KCNQ4: variants seen among roughly 807,000 people sequenced by gnomAD.
The protein encoded by KCNQ4 is potassium voltage-gated channel subfamily Q member 4, also known as potassium voltage-gated channel subfamily KQT member 4.
In KCNQ4, 31 loss-of-function variants were observed where a neutral mutation model predicts 72.6. The ratio of observed to expected loss-of-function variants is 0.43; its 90% CI spans 0.32 to 0.58. KCNQ4 has a LOEUF of 0.58. Among genes scored for constraint, KCNQ4 ranks in the 20% least tolerant of loss-of-function variants. KCNQ4 has a pLI of 0.08. For missense variants in KCNQ4, 869 were observed against 962.6 expected, an observed-to-expected ratio of 0.90 and a Z score of 1.29; for synonymous variants, 405 against 403.7, an observed-to-expected ratio of 1.00 and a Z score of -0.04.
intron 1 of KCNQ4, chr1:40,805,045 G>C (rs775796818): frequency 6.6e-6 from 1 of 152,112 alleles, no homozygotes; most frequent in Non-Finnish European, 1.5e-5. Flanking sequence ...GGTCAGAAAC[G>C]GAGCAGGTCA....
Position 40,784,459 on chromosome 1 carries a change from C to G in KCNQ4, c.314+52C>G, listed in dbSNP as rs754305731. On this transcript the variant is annotated intron_variant, in intron 1 of 13. Coordinates refer to ENST00000347132, the MANE Select transcript of KCNQ4 (RefSeq NM_004700.4). The surrounding 1 kb of genome is among the most constrained non-coding windows in gnomAD (Gnocchi z 4.1). ...GCGTTTCCCCGCGCAAGCCTGGCCTCCCGGGGCACGGCCGCCCCGCCCTGG... is the reference window on the plus strand; with the variant it reads ...GCGTTTCCCCGCGCAAGCCTGGCCTGCCGGGGCACGGCCGCCCCGCCCTGG... 7 of 1,567,330 alleles carry G rather than the reference C, an allele frequency of 4.5e-6. No homozygotes were observed. The highest frequency in any genetic ancestry group is 6.1e-6 in the Non-Finnish European group (7 of 1,149,956).
At chr1:40,818,464 G>A in intron 3 of KCNQ4, 41 bp from the exon 4 acceptor site, 2 of 1,597,242 alleles carry the variant, frequency 1.3e-6, no homozygotes, top group Middle Eastern at 1.8e-4. Context: ...GTCCGTGCGC[G>A]GGGTAGGCTG....
rs576349477 is a variant in KCNQ4 at position 40,788,633 on chromosome 1, C to T, written c.314+4226C>T. Among the ~76,000 whole-genome samples the T allele has an allele frequency of 1.3e-5, 2 of 152,310 alleles. No homozygotes were observed. The highest frequency in any genetic ancestry group is 3.9e-4 in the East Asian group (2 of 5,184). ...GCCCGGAGCGGGGGCTGACTGGGAG[C>T]TGTTGCGCTCAGCACCACAGCCTCA... On this transcript the variant is annotated intron_variant, in intron 1 of 13. Coordinates refer to ENST00000347132, the MANE Select transcript of KCNQ4 (RefSeq NM_004700.4). This position sits in a 1 kb window ranked among gnomAD's most constrained non-coding sequence, Gnocchi z 4.5.
chr1:40,824,330 T>C, intron 9 of KCNQ4, 72 bp downstream of exon 9: 1 of 1,506,216 alleles, frequency 6.6e-7, no homozygotes, highest in East Asian at 2.4e-5. Context: ...CTTCATCCTC[T>C]CTCAGACCTG....
At chr1:40,792,113 C>T (rs1374945797) in intron 1 of KCNQ4, among the ~76,000 whole-genome samples, 2 of 152,156 alleles carry the variant, frequency 1.3e-5, no homozygotes, top group African/African-American at 4.8e-5. Context: ...CAGGCTGCTC[C>T]TCCTTCTCTG....
intron 1 of KCNQ4, among the ~76,000 whole-genome samples, chr1:40,814,396 C>A (rs1376706711): frequency 2.6e-5 from 4 of 152,146 alleles, no homozygotes; most frequent in Non-Finnish European, 2.9e-5. Context: ...CCGAAACAAC[C>A]CATGTTTGTT....
intron 5 of KCNQ4, 117 bp downstream of exon 5, chr1:40,819,589 C>T: frequency 1.4e-6 from 2 of 1,399,844 alleles, no homozygotes; most frequent in South Asian, 2.5e-5. Flanking sequence ...CCTGCCCTCT[C>T]ACTAGAGCTG....
chr1:40,799,502 G>A (rs984086417), intron 1 of KCNQ4, among the ~76,000 whole-genome samples: 1 of 151,852 alleles, frequency 6.6e-6, no homozygotes, highest in Non-Finnish European at 1.5e-5. Flanking sequence ...GTCCCCCCAC[G>A]GTTGTTTATA....
intron 1 of KCNQ4, among the ~76,000 whole-genome samples, chr1:40,805,391 C>T (rs1312703294): frequency 6.6e-6 from 1 of 152,146 alleles, no homozygotes; most frequent in Non-Finnish European, 1.5e-5. Flanking sequence ...AGTAGATGGT[C>T]CGCTTTCCAC....
chr1:40,824,734 A>C (rs1363947574), intron 9 of KCNQ4, among the ~76,000 whole-genome samples: 1 of 151,944 alleles, frequency 6.6e-6, no homozygotes, highest in Non-Finnish European at 1.5e-5. Context: ...TTAGTACTGA[A>C]CTCGCCTCTT....
In KCNQ4 at chr1:40,833,124, G is replaced by A. The variant is rs776136734; in HGVS notation, c.1613+11G>A. On this transcript the variant is annotated intron_variant, in intron 11 of 13. Transcript: ENST00000347132. ...CATCCGCTCCATCAGGTAAGACTGA[G>A]GCCTGAGGCGAGCACCCCCCTCCGT... 6 of 1,600,042 alleles carry A rather than the reference G, an allele frequency of 3.7e-6. No individual in the cohort carries two copies. In the Admixed American group the frequency reaches 8.3e-5, roughly 22 times the overall value.
intron 1 of KCNQ4, among the ~76,000 whole-genome samples, chr1:40,809,464 C>T (rs1329249241): frequency 1.3e-5 from 2 of 152,226 alleles, no homozygotes; most frequent in African/African-American, 4.8e-5. Context: ...GGGGTCTCCC[C>T]CGTCCCATGA....
chr1:40,831,270 A>G lies in KCNQ4; in HGVS notation c.1479A>G (p.Ala493=). Residue 493 remains alanine (A), a synonymous_variant, in exon 10 of 14, where the codon GCA becomes GCG. Coordinates refer to ENST00000347132, the MANE Select transcript of KCNQ4 (RefSeq NM_004700.4). ...WSFNDRTRFR[A]SLRLKPRTSA... The stretch of plus-strand genomic sequence containing the variant: ...TCAATGACCGCACCCGCTTCCGGGC[A>G]TCTCTGAGACTCAAACCCCGCACCT... The G allele has an allele frequency of 6.2e-7, 1 of 1,605,968 alleles. No homozygotes were observed. The highest frequency in any genetic ancestry group is 1.1e-5 in the South Asian group (1 of 89,356).
chr1:40,809,925 C>T (rs1225401725), intron 1 of KCNQ4, among the ~76,000 whole-genome samples: 1 of 151,848 alleles, frequency 6.6e-6, no homozygotes, highest in African/African-American at 2.4e-5. Flanking sequence ...CTTAGCCGGG[C>T]GTGGTGGTAG....
At chr1:40,836,209 A>C (rs1410181243) in intron 12 of KCNQ4, among the ~76,000 whole-genome samples, 2 of 152,192 alleles carry the variant, frequency 1.3e-5, no homozygotes, top group East Asian at 3.8e-4. Context: ...AGGTGGGACA[A>C]GTGGTCAGAT....
intron 3 of KCNQ4, 83 bp from the exon 4 acceptor site, chr1:40,818,422 C>T: frequency 6.4e-7 from 1 of 1,573,092 alleles, no homozygotes; most frequent in Non-Finnish European, 8.6e-7. Flanking sequence ...TCCCCAGTCC[C>T]CTGCCACATC....
rs1396053275 is a variant in KCNQ4, at chr1:40,789,825, CCAGT to C, written c.314+5421_314+5424del. On this transcript the variant is annotated intron_variant, in intron 1 of 13. Coordinates refer to ENST00000347132, the MANE Select transcript of KCNQ4 (RefSeq NM_004700.4). ...GATGATTAATTTCAGGCTCTCTGAG[CCAGT>C]CAAAGGAGCTGGAACTGCCTGGGAG... 1.2e-4 allele frequency among the ~76,000 whole-genome samples: 19 copies of C among 152,342 alleles called. No homozygotes were observed. The East Asian group carries it at 3.7e-3, about 29-fold the overall frequency.
Position 40,818,524 on chromosome 1 carries a change from C to T in KCNQ4, c.552C>T (p.Ala184=). Residue 184 remains alanine, a synonymous_variant, in exon 4 of 14, where the codon GCC becomes GCT. Coordinates refer to ENST00000347132, the MANE Select transcript of KCNQ4 (RefSeq NM_004700.4). ...CTGCAGACTTCATCGTGTTCGTGGC[C>T]TCGGTGGCCGTCATCGCCGCGGGTA... is the stretch of plus-strand genomic sequence containing the variant. ...FCVIDFIVFV[A]SVAVIAAGTQ... 1 of 1,602,132 alleles carries T rather than the reference C, an allele frequency of 6.2e-7. No individual in the cohort carries two copies. Among genetic ancestry groups the T allele is most frequent in the Non-Finnish European group, 8.5e-7 (1 of 1,179,860 alleles).
intron 11 of KCNQ4, among the ~76,000 whole-genome samples, chr1:40,834,176 T>C (rs2148331941): frequency 6.6e-6 from 1 of 152,028 alleles, no homozygotes; most frequent in South Asian, 2.1e-4. Flanking sequence ...CCAGCTCTCC[T>C]GGGCCACCCC....
Sources: gnomAD v4.1 joint callset for allele counts (sites outside exome capture counted in the v4.1 genomes callset) on GRCh38, gnomAD v4.1.1 for gene constraint, Gnocchi (gnomAD v3.1) non-coding constraint, MANE v1.5 for transcripts, NCBI Gene and HGNC (gene_info 2026-07-23, HGNC 2026-07-21) for gene names.